The following EHD2 variants were observed in gnomAD, a reference collection of about 807,000 sequenced individuals.
EHD2 encodes the protein EH domain containing 2.
Under a neutral mutation model 41.0 loss-of-function variants are expected in EHD2, and 27 were observed. The ratio of observed to expected loss-of-function variants is 0.66; its 90% CI spans 0.49 to 0.91. The LOEUF is 0.91. EHD2 is among the 40% of genes least tolerant of loss of function. The probability of loss-of-function intolerance (pLI) is 0.00; values close to 1 mark genes in which losing one functional copy is unlikely to be tolerated. For synonymous variants in EHD2, 342 were observed against 341.0 expected (o/e 1.00, Z -0.03); for missense variants, 673 against 773.9 (o/e 0.87, Z 1.55).
Position 47,741,433 on chromosome 19 carries a change from G to GC in EHD2, c.*3dup. On this transcript the variant is annotated 3_prime_UTR_variant, in exon 6 of 6. Transcript: ENST00000263277. This position sits in a 1 kb window ranked among gnomAD's most constrained non-coding sequence, Gnocchi z 4.5. ...ACGCCACAAGGGCTCCGCCGAGTGA[G>GC]CCGGCCCCCCTCCCATGGCCCTGCT... 6.7e-7 allele frequency: 1 copy of GC among 1,486,796 alleles called. No individual in the cohort carries two copies. Among genetic ancestry groups the GC allele is most frequent in the Non-Finnish European group, 8.8e-7 (1 of 1,131,012 alleles). The allele number at this position is 1,486,796 out of a possible 1,614,324, so 92.1% of individuals were successfully genotyped here.
Position 47,741,421 on chromosome 19 carries a change from T to A in EHD2, c.1621T>A (p.Ser541Thr). ...VPPSKRRHKG[S>T]AE ...ACCCTCCAAGCGACGCCACAAGGGCTCCGCCGAGTGAGCCGGCCCCCCTCC... is the reference window on the plus strand; with the variant it reads ...ACCCTCCAAGCGACGCCACAAGGGCACCGCCGAGTGAGCCGGCCCCCCTCC... The change falls in exon 6 of 6, where the codon TCC (serine) becomes ACC (threonine). Residue 541 changes from serine (S) to threonine (T), a missense_variant. Coordinates refer to ENST00000263277, the MANE Select transcript of EHD2 (RefSeq NM_014601.4). This position sits in a 1 kb window ranked among gnomAD's most constrained non-coding sequence, Gnocchi z 4.5. 3 of 1,550,080 alleles carry A rather than the reference T, an allele frequency of 1.9e-6. No homozygotes were observed. The highest frequency in any genetic ancestry group is 2.6e-6 in the Non-Finnish European group (3 of 1,161,366).
At chr19:47,731,812 G>T (rs1966879596) in intron 4 of EHD2, among the ~76,000 whole-genome samples, 3 of 141,884 alleles carry the variant, frequency 2.1e-5, no homozygotes, top group Admixed American at 7.3e-5. Context: ...TTTTGAGACG[G>T]AGTCTCGCTC....
chr19:47,740,302 G>A (rs1966971471), intron 5 of EHD2, among the ~76,000 whole-genome samples: 1 of 152,140 alleles, frequency 6.6e-6, no homozygotes, highest in Non-Finnish European at 1.5e-5. Flanking sequence ...TAGCTGGGTG[G>A]GTGGTGTGTG....
At chr19:47,721,162 G>GT (rs1973691218) in intron 3 of EHD2, among the ~76,000 whole-genome samples, 18 of 138,304 alleles carry the variant, frequency 1.3e-4, no homozygotes, top group African/African-American at 5.3e-4. Context: ...TGTGCTACTG[G>GT]GGGTGTGTGT....
chr19:47,717,735 C>G (rs1291595313), intron 2 of EHD2, among the ~76,000 whole-genome samples: 9 of 150,882 alleles, frequency 6.0e-5, no homozygotes, highest in Non-Finnish European at 1.2e-4. Context: ...GGTGAAACCC[C>G]GTCTCTACCA....
intron 2 of EHD2, among the ~76,000 whole-genome samples, chr19:47,717,778 C>T (rs111612617): frequency 0.032 from 4,863 of 150,254 alleles, 266 homozygotes; most frequent in African/African-American, 0.11. Flanking sequence ...TGTGGTGGTT[C>T]GTGCCTGTAA....
chr19:47,721,863 T>C (rs939529887), intron 3 of EHD2, among the ~76,000 whole-genome samples: 1 of 151,964 alleles, frequency 6.6e-6, no homozygotes, highest in Admixed American at 6.6e-5. Context: ...TGCTTGCCTG[T>C]AATCCCACCT....
rs59665711 is a variant in EHD2, at chr19:47,719,946, A to ATGTGTGTGTGTGTGTG, written c.502+1349_502+1364dup. On this transcript the variant is annotated intron_variant, in intron 3 of 5. Coordinates refer to ENST00000263277, the MANE Select transcript of EHD2 (RefSeq NM_014601.4). This position sits in a 1 kb window ranked among gnomAD's most constrained non-coding sequence, Gnocchi z 4.1. ...AGAGTGTCCAGCTGTTGGTGTGTATATGTGTGTGTGTGTGTGTGTGTGTGA... is the reference window on the plus strand; with the variant it reads ...AGAGTGTCCAGCTGTTGGTGTGTATATGTGTGTGTGTGTGTGTGTGTGTGTGTGTGTGTGTGTGTGA... 5.3e-3 allele frequency among the ~76,000 whole-genome samples: 785 copies of ATGTGTGTGTGTGTGTG among 147,038 alleles called. 11 individuals are homozygous for ATGTGTGTGTGTGTGTG. The highest frequency in any genetic ancestry group is 0.019 in the African/African-American group (750 of 39,158).
chr19:47,737,464 C>G (rs944270159), intron 5 of EHD2, among the ~76,000 whole-genome samples: 1 of 151,454 alleles, frequency 6.6e-6, no homozygotes, highest in African/African-American at 2.4e-5. Context: ...CGAGACCAGC[C>G]TGGCCAACAT....
rs1967009014 is a variant in EHD2 at position 47,743,084 on chromosome 19, C to T, written c.*1652C>T. On this transcript the variant is annotated 3_prime_UTR_variant, in exon 6 of 6. Transcript: ENST00000263277. ...CCCACCCCATGGCTGGGAGGGGCCT[C>T]TGAACGGAACAGTGTCCCCACAGAG... 6.6e-6 allele frequency: 1 copy of T among 152,448 alleles called. No homozygotes were observed. Among genetic ancestry groups the T allele is most frequent in the Non-Finnish European group, 1.5e-5 (1 of 68,154 alleles). 9.4% of individuals were successfully genotyped at this position (152,448 alleles called of 1,614,324 possible).
At position 47,741,576 on chromosome 19, in the gene EHD2, C is replaced by T. The variant is rs1224038985; in HGVS notation, c.*144C>T. Reference sequence around the variant, plus strand: ...GGTCTCCCTCCTCACTACCGCCAGACACCCCGGTGGAAGCATTTAGAGGGG... The same window carrying T: ...GGTCTCCCTCCTCACTACCGCCAGATACCCCGGTGGAAGCATTTAGAGGGG... On this transcript the variant is annotated 3_prime_UTR_variant, in exon 6 of 6. Coordinates refer to ENST00000263277, the MANE Select transcript of EHD2 (RefSeq NM_014601.4). The surrounding 1 kb of genome is among the most constrained non-coding windows in gnomAD (Gnocchi z 4.5). 5.2e-6 allele frequency: 5 copies of T among 958,914 alleles called. No individual in the cohort carries two copies. In the Admixed American group the frequency reaches 1.4e-4, roughly 27 times the overall value. The allele number at this position is 958,914 out of a possible 1,614,324, so 59.4% of individuals were successfully genotyped here.
chr19:47,722,713 C>A (rs1215527723), intron 3 of EHD2, among the ~76,000 whole-genome samples: 2 of 151,918 alleles, frequency 1.3e-5, no homozygotes, highest in Non-Finnish European at 2.9e-5. Flanking sequence ...TTACAGGTGC[C>A]CACCACCACA....
rs774957397 is a variant in EHD2, at chr19:47,726,183, C to T, written c.874C>T (p.Arg292Cys). 6.4e-7 allele frequency: 1 copy of T among 1,561,420 alleles called. No individual in the cohort carries two copies. Among genetic ancestry groups the T allele is most frequent in the Non-Finnish European group, 8.7e-7 (1 of 1,154,394 alleles). The change falls in exon 4 of 6, where the codon CGC (arginine) becomes TGC (cysteine). Residue 292 changes from arginine (R) to cysteine (C), a missense_variant. Coordinates refer to ENST00000263277, the MANE Select transcript of EHD2 (RefSeq NM_014601.4). ...IQGLPRHAAL[R>C]KLNDLVKRAR... ...GGGCCTGCCCCGGCACGCAGCCTTGCGCAAGCTCAACGACCTGGTGAAGAG... is the reference window on the plus strand; with the variant it reads ...GGGCCTGCCCCGGCACGCAGCCTTGTGCAAGCTCAACGACCTGGTGAAGAG...
In EHD2 at chr19:47,742,160, CCTT is replaced by C. The variant is rs1401790940; in HGVS notation, c.*732_*734del. The C allele has an allele frequency of 3.3e-5, 11 of 338,040 alleles. No homozygotes were observed. Among genetic ancestry groups the C allele is most frequent in the East Asian group, 2.6e-4 (3 of 11,452 alleles). 20.9% of individuals were successfully genotyped at this position (338,040 alleles called of 1,614,324 possible). A position where few individuals can be genotyped will look rare whatever the true frequency, so the allele number is the denominator to read the frequency against. ...CCTTCCTTCTTTTCTTTCCTTCCTT[CCTT>C]CTTTTTTGTTTTTGCCCCCAATTCT... On this transcript the variant is annotated 3_prime_UTR_variant, in exon 6 of 6. Transcript: ENST00000263277.
intron 4 of EHD2, 73 bp downstream of exon 4, chr19:47,726,297 G>C (rs1243214858): frequency 2.1e-6 from 3 of 1,430,730 alleles, no homozygotes; most frequent in Non-Finnish European, 2.8e-6. Context: ...AGTGCTGTGA[G>C]TCCCTGACTT....
At chr19:47,730,463 G>A (rs1329122498) in intron 4 of EHD2, among the ~76,000 whole-genome samples, 1 of 152,130 alleles carries the variant, frequency 6.6e-6, no homozygotes, top group African/African-American at 2.4e-5. Context: ...CTGTGACCAA[G>A]GCTCACTGCC....
In EHD2 at chr19:47,718,558, A is replaced by T; in HGVS notation, c.454A>T (p.Ile152Phe). Residue 152 changes from isoleucine (I) to phenylalanine (F), a missense_variant, in exon 3 of 6, where the codon ATC becomes TTC. By Grantham distance (21) the Ile-to-Phe change is conservative. Coordinates refer to ENST00000263277, the MANE Select transcript of EHD2 (RefSeq NM_014601.4). ...PNQVLESISI[I>F]DTPGILSGAK... Reference sequence around the variant, plus strand: ...TCAGGTCCTGGAGAGCATCAGCATCATCGACACCCCGGGTATCCTGTCGGG... The same window carrying T: ...TCAGGTCCTGGAGAGCATCAGCATCTTCGACACCCCGGGTATCCTGTCGGG... The T allele has an allele frequency of 6.3e-7, 1 of 1,587,736 alleles. No individual in the cohort carries two copies. Among genetic ancestry groups the T allele is most frequent in the Non-Finnish European group, 8.6e-7 (1 of 1,166,712 alleles).
At chr19:47,737,928 C>T (rs891802887) in intron 5 of EHD2, among the ~76,000 whole-genome samples, 8 of 146,570 alleles carry the variant, frequency 5.5e-5, no homozygotes, top group Admixed American at 3.5e-4. Context: ...TCACCCAGAC[C>T]GAACTGCAGA....
Position 47,716,549 on chromosome 19 carries a change from CT to C in EHD2, c.-55-8del, listed in dbSNP as rs557899524. On this transcript the variant is annotated splice_region_variant and splice_polypyrimidine_tract_variant and intron_variant, in intron 1 of 5. Transcript: ENST00000263277. ...CCGCCTATGCTCATGCCCTCTCCCCCTCCCACAGGCAGCTCTCCATCTGCAC... is the reference window on the plus strand; with the variant it reads ...CCGCCTATGCTCATGCCCTCTCCCCCCCCACAGGCAGCTCTCCATCTGCAC... 9.6e-5 allele frequency: 139 copies of C among 1,441,000 alleles called. 1 individual carries two copies. The East Asian group carries it at 2.5e-3, about 26-fold the overall frequency. The allele number at this position is 1,441,000 out of a possible 1,614,324, so 89.3% of individuals were successfully genotyped here. A position where few individuals can be genotyped will look rare whatever the true frequency, so the allele number is the denominator to read the frequency against.
Sources: allele counts gnomAD v4.1 joint callset (sites outside exome capture counted in the v4.1 genomes callset), GRCh38; gene constraint gnomAD v4.1.1; non-coding constraint Gnocchi (gnomAD v3.1); transcripts MANE v1.5; gene names NCBI Gene and HGNC (gene_info 2026-07-23, HGNC 2026-07-21).